KCNT2: variants seen among roughly 807,000 people sequenced by gnomAD.
The protein encoded by KCNT2 is potassium sodium-activated channel subfamily T member 2.
Under a neutral mutation model 153.8 loss-of-function variants are expected in KCNT2, and 67 were observed. The ratio of observed to expected loss-of-function variants is 0.44; its 90% confidence interval spans 0.36 to 0.53. The LOEUF (loss-of-function observed/expected upper bound fraction) is 0.53, where lower values mean the gene tolerates loss of function less well. KCNT2 is among the 20% of genes least tolerant of loss of function. The pLI is 0.00. For missense variants in KCNT2, 975 were observed against 1,354.8 expected (o/e 0.72, Z 4.40); for synonymous variants, 500 against 458.8 (o/e 1.09, Z -1.15).
chr1:196,400,018 C>G (rs1393539791), intron 12 of KCNT2, among the ~76,000 whole-genome samples: 1 of 151,656 alleles, frequency 6.6e-6, no homozygotes, highest in African/African-American at 2.4e-5. Flanking sequence ...TATAGCAACT[C>G]AAAACAAGAT....
chr1:196,379,351 A>T (rs1435856668), intron 13 of KCNT2, among the ~76,000 whole-genome samples: 3 of 152,184 alleles, frequency 2.0e-5, no homozygotes, highest in East Asian at 1.9e-4. Flanking sequence ...CGGGCACATC[A>T]TCTGAGGTCA....
intron 1 of KCNT2, among the ~76,000 whole-genome samples, chr1:196,494,254 C>A (rs1357998289): frequency 6.6e-6 from 1 of 152,024 alleles, no homozygotes; most frequent in East Asian, 1.9e-4. Context: ...GCTACATAAA[C>A]AAATTTGAGA....
intron 25 of KCNT2, among the ~76,000 whole-genome samples, chr1:196,264,261 G>C (rs564949029): frequency 6.6e-6 from 1 of 152,192 alleles, no homozygotes; most frequent in East Asian, 1.9e-4. Flanking sequence ...ATGTATCTGA[G>C]TTAAAAAGAA....
intron 19 of KCNT2, among the ~76,000 whole-genome samples, chr1:196,321,299 G>C (rs1182652919): frequency 2.6e-5 from 4 of 151,764 alleles, no homozygotes; most frequent in African/African-American, 9.7e-5. Flanking sequence ...CCACAAGAGT[G>C]GGGCAACACT....
chr1:196,318,954 C>G lies in KCNT2; in HGVS notation c.2348+530G>C, dbSNP rs150117214. ...ATATATTTTTAATGTCACCATAATA[C>G]ATGTATAAGAATTTGTATTTAATTA... On this transcript the variant is annotated intron_variant, in intron 20 of 27. Transcript: ENST00000294725. Among the ~76,000 whole-genome samples the G allele has an allele frequency of 4.0e-3, 604 of 151,700 alleles. 3 individuals are homozygous for G. The highest frequency in any genetic ancestry group is 0.013 in the African/African-American group (557 of 41,472).
intron 1 of KCNT2, among the ~76,000 whole-genome samples, chr1:196,527,952 T>A (rs913514725): frequency 1.3e-5 from 2 of 152,184 alleles, no homozygotes; most frequent in African/African-American, 4.8e-5. Context: ...TGCTTTCAGT[T>A]AACTATCTCT....
intron 1 of KCNT2, among the ~76,000 whole-genome samples, chr1:196,537,756 T>A (rs1049580189): frequency 2.0e-5 from 3 of 152,170 alleles, no homozygotes; most frequent in Non-Finnish European, 4.4e-5. Flanking sequence ...AGTACTTCAT[T>A]GGGCTGCTTA....
At chr1:196,550,448 AT>A (rs1452458829) in intron 1 of KCNT2, among the ~76,000 whole-genome samples, 2 of 151,934 alleles carry the variant, frequency 1.3e-5, no homozygotes, top group Non-Finnish European at 2.9e-5. Flanking sequence ...AAAAATGTAA[AT>A]TTTTAGATTG....
intron 12 of KCNT2, among the ~76,000 whole-genome samples, chr1:196,400,578 A>C (rs1671325112): frequency 6.6e-6 from 1 of 151,814 alleles, no homozygotes; most frequent in Non-Finnish European, 1.5e-5. Context: ...TATTATGTGT[A>C]TCATCTTAGT....
chr1:196,508,293 T>A (rs941598639), intron 1 of KCNT2, among the ~76,000 whole-genome samples: 4 of 150,142 alleles, frequency 2.7e-5, no homozygotes, highest in African/African-American at 9.8e-5. Context: ...TATTAAAAAA[T>A]TTTAACCTTT....
Position 196,301,833 on chromosome 1 carries a change from G to A in KCNT2, c.2595+3401C>T, listed in dbSNP as rs149473599. The stretch of plus-strand genomic sequence containing the variant: ...TGGCTCACTACACCTTCCACCTCCT[G>A]GATTCAAGCGATTCTCATGCCTTAG... On this transcript the variant is annotated intron_variant, in intron 22 of 27. Transcript: ENST00000294725. Among the ~76,000 whole-genome samples, 86 of 152,232 alleles carry A rather than the reference G, an allele frequency of 5.6e-4. 1 individual carries two copies. Among genetic ancestry groups the A allele is most frequent in the African/African-American group, 1.9e-3 (81 of 41,550 alleles).
intron 1 of KCNT2, among the ~76,000 whole-genome samples, chr1:196,525,712 G>A (rs573948672): frequency 3.7e-4 from 56 of 152,284 alleles, no homozygotes; most frequent in Non-Finnish European, 5.9e-4. Flanking sequence ...GTACTGTTAC[G>A]AGGCTGAAAG....
At chr1:196,567,454 C>A (rs936729093) in intron 1 of KCNT2, among the ~76,000 whole-genome samples, 1 of 152,096 alleles carries the variant, frequency 6.6e-6, no homozygotes, top group Non-Finnish European at 1.5e-5. Context: ...GCATAAATCT[C>A]GGATCTTCTA....
chr1:196,417,723 T>C (rs964449563), intron 12 of KCNT2, among the ~76,000 whole-genome samples: 1 of 152,112 alleles, frequency 6.6e-6, no homozygotes, highest in Non-Finnish European at 1.5e-5. Flanking sequence ...GAGAAATCCA[T>C]CATTAGACGA....
chr1:196,558,337 G>T (rs1658946507), intron 1 of KCNT2, among the ~76,000 whole-genome samples: 1 of 150,700 alleles, frequency 6.6e-6, no homozygotes, highest in Non-Finnish European at 1.5e-5. Context: ...ATAAAGTAAG[G>T]ATATATCTGA....
At chr1:196,386,104 T>G (rs1217342686) in intron 13 of KCNT2, among the ~76,000 whole-genome samples, 1 of 152,058 alleles carries the variant, frequency 6.6e-6, no homozygotes, top group African/African-American at 2.4e-5. Context: ...GGTCCACATG[T>G]AAGAAACCAA....
intron 12 of KCNT2, among the ~76,000 whole-genome samples, chr1:196,414,701 T>C (rs985136629): frequency 6.6e-6 from 1 of 151,916 alleles, no homozygotes; most frequent in Admixed American, 6.6e-5. Context: ...AGGAATTAGC[T>C]TTGATTGTTA....
At chr1:196,292,277 T>C (rs766086670) in intron 22 of KCNT2, among the ~76,000 whole-genome samples, 5 of 152,186 alleles carry the variant, frequency 3.3e-5, no homozygotes, top group Admixed American at 1.3e-4. Context: ...CATCCTTTTA[T>C]GATGGAAAAC....
At chr1:196,544,525 T>G (rs1025512113) in intron 1 of KCNT2, among the ~76,000 whole-genome samples, 4 of 152,088 alleles carry the variant, frequency 2.6e-5, no homozygotes, top group Non-Finnish European at 5.9e-5. Flanking sequence ...TACTTCAACT[T>G]CTAATAATGC....
Sources: gnomAD v4.1 joint callset for allele counts (sites outside exome capture counted in the v4.1 genomes callset) on GRCh38, gnomAD v4.1.1 for gene constraint, MANE v1.5 for transcripts, NCBI Gene and HGNC (gene_info 2026-07-23, HGNC 2026-07-21) for gene names.